CSRNP3: variants seen among roughly 807,000 people sequenced by gnomAD.
The protein encoded by CSRNP3 is cysteine and serine rich nuclear protein 3.
A neutral mutation model predicts 48.0 loss-of-function variants in CSRNP3; 12 were observed. That is an observed-to-expected ratio of 0.25 (90% CI 0.16 to 0.41). The LOEUF is 0.41. Ranked by LOEUF, CSRNP3 falls within the 10% of genes least tolerant of loss-of-function variation. The pLI, the probability that CSRNP3 is intolerant of heterozygous loss-of-function variation, is 1.00. For synonymous variants in CSRNP3, 263 were observed against 269.7 expected, an observed-to-expected ratio of 0.98 and a Z score of 0.24; for missense variants, 580 against 724.4, an observed-to-expected ratio of 0.80 and a Z score of 2.29.
chr2:165,566,157 C>A (rs1355853630), intron 3 of CSRNP3, among the ~76,000 whole-genome samples: 4 of 151,892 alleles, frequency 2.6e-5, no homozygotes, highest in African/African-American at 9.7e-5. Flanking sequence ...CAGACAGACT[C>A]TAAGATGCGT....
At chr2:165,666,125 GGA>G (rs1687192053) in intron 5 of CSRNP3, among the ~76,000 whole-genome samples, 1 of 94,254 alleles carries the variant, frequency 1.1e-5, no homozygotes, top group Admixed American at 1.0e-4. Flanking sequence ...GAGAGAGAAA[GGA>G]AGGAAGGAAG....
intron 2 of CSRNP3, among the ~76,000 whole-genome samples, chr2:165,511,778 C>CA (rs924372442): frequency 6.6e-6 from 1 of 152,172 alleles, no homozygotes; most frequent in African/African-American, 2.4e-5. Context: ...CCAGGCACTA[C>CA]AGGGGACCCA....
intron 3 of CSRNP3, among the ~76,000 whole-genome samples, chr2:165,521,244 C>G (rs558123513): frequency 6.6e-6 from 1 of 151,652 alleles, no homozygotes; most frequent in Non-Finnish European, 1.5e-5. Context: ...ACAAAGACTT[C>G]TCATGCAGTT....
At chr2:165,622,157 A>G (rs113997592) in intron 4 of CSRNP3, among the ~76,000 whole-genome samples, 2,187 of 152,252 alleles carry the variant, frequency 0.014, 68 homozygotes, top group African/African-American at 0.05. Context: ...TTGAACTTTT[A>G]AAGTTATTTT....
chr2:165,601,425 C>T (rs535779228), intron 4 of CSRNP3, among the ~76,000 whole-genome samples: 13 of 152,262 alleles, frequency 8.5e-5, no homozygotes, highest in South Asian at 8.3e-4. Flanking sequence ...AAAGGATACA[C>T]ATTCTAAATT....
At chr2:165,499,303 T>C (rs1684326324) in intron 2 of CSRNP3, among the ~76,000 whole-genome samples, 1 of 152,204 alleles carries the variant, frequency 6.6e-6, no homozygotes, top group Non-Finnish European at 1.5e-5. Flanking sequence ...CAAAAGATTT[T>C]GAAATTCACT....
chr2:165,603,552 C>T (rs1339537610), intron 4 of CSRNP3, among the ~76,000 whole-genome samples: 1 of 152,054 alleles, frequency 6.6e-6, no homozygotes, highest in Non-Finnish European at 1.5e-5. Context: ...TTAACCTCAT[C>T]TCTTGTTTTC....
At chr2:165,556,225 G>T (rs73029832) in intron 3 of CSRNP3, among the ~76,000 whole-genome samples, 5 of 152,062 alleles carry the variant, frequency 3.3e-5, no homozygotes, top group African/African-American at 1.2e-4. Context: ...CAGGTTTCTT[G>T]GATTCAGCAA....
chr2:165,550,908 G>T (rs1052045621), intron 3 of CSRNP3, among the ~76,000 whole-genome samples: 4 of 152,000 alleles, frequency 2.6e-5, no homozygotes, highest in African/African-American at 9.7e-5. Context: ...CTCAAACATG[G>T]TTTCCTTGCA....
intron 3 of CSRNP3, among the ~76,000 whole-genome samples, chr2:165,565,367 G>T (rs1685283893): frequency 1.3e-5 from 2 of 152,044 alleles, no homozygotes; most frequent in African/African-American, 4.8e-5. Context: ...AAATGTTGAT[G>T]TTCTAAACTA....
chr2:165,604,447 A>G (rs558510170), intron 4 of CSRNP3, among the ~76,000 whole-genome samples: 1 of 152,370 alleles, frequency 6.6e-6, no homozygotes, highest in African/African-American at 2.4e-5. Context: ...TACAAACATT[A>G]GTGGAAATAA....
chr2:165,676,001 G>A (rs536393762), intron 5 of CSRNP3, among the ~76,000 whole-genome samples: 3 of 152,318 alleles, frequency 2.0e-5, no homozygotes, highest in South Asian at 2.1e-4. Context: ...TTTCACTGAT[G>A]AGCATTTGTA....
chr2:165,484,845 A>G (rs1684092081), intron 1 of CSRNP3, among the ~76,000 whole-genome samples: 3 of 152,326 alleles, frequency 2.0e-5, no homozygotes, highest in Admixed American at 2.0e-4. Flanking sequence ...TGTACTACAG[A>G]ATTAGATTGG....
chr2:165,595,249 G>A (rs184914452), intron 4 of CSRNP3, 36 bp downstream of exon 4: 62 of 1,553,428 alleles, frequency 4.0e-5, no homozygotes, highest in Admixed American at 8.6e-5. Context: ...TCAATTGTCT[G>A]GTTCTACAGC....
intron 5 of CSRNP3, among the ~76,000 whole-genome samples, chr2:165,670,899 G>GA (rs915445395): frequency 3.4e-5 from 5 of 148,260 alleles, no homozygotes; most frequent in East Asian, 2.0e-4. Context: ...TTATTTTTTT[G>GA]AAAAAAAAAG....
intron 5 of CSRNP3, among the ~76,000 whole-genome samples, chr2:165,674,183 T>C (rs1687381433): frequency 6.6e-6 from 1 of 152,118 alleles, no homozygotes; most frequent in African/African-American, 2.4e-5. Context: ...GCTACCCAAG[T>C]CCTGGGTGTG....
intron 5 of CSRNP3, among the ~76,000 whole-genome samples, chr2:165,675,606 A>G (rs1260375521): frequency 6.6e-6 from 1 of 152,102 alleles, no homozygotes; most frequent in Non-Finnish European, 1.5e-5. Context: ...AGAAGGTACC[A>G]TTTTGGGTGA....
intron 5 of CSRNP3, among the ~76,000 whole-genome samples, chr2:165,664,735 T>C (rs1687149902): frequency 6.6e-6 from 1 of 152,180 alleles, no homozygotes; most frequent in South Asian, 2.1e-4. Flanking sequence ...TGTTACGTTA[T>C]CTTCTCCCAA....
chr2:165,597,087 C>T lies in CSRNP3; in HGVS notation c.148+1874C>T, dbSNP rs565115188. ...CTCTACCTTTTGCATGGTCTTATTC[C>T]GCCCCTTAATTATATAACATTGGAC... On this transcript the variant is annotated intron_variant, in intron 4 of 6. Coordinates refer to ENST00000651982, the MANE Select transcript of CSRNP3 (RefSeq NM_001172173.2). 5.9e-5 allele frequency among the ~76,000 whole-genome samples: 9 copies of T among 152,208 alleles called. No individual in the cohort carries two copies. The South Asian group carries it at 8.3e-4, about 14-fold the overall frequency.
Sources: allele counts gnomAD v4.1 joint callset (sites outside exome capture counted in the v4.1 genomes callset), GRCh38; gene constraint gnomAD v4.1.1; transcripts MANE v1.5; gene names NCBI Gene and HGNC (gene_info 2026-07-23, HGNC 2026-07-21).